ZKSCAN2: variants seen among roughly 807,000 people sequenced by gnomAD.
The protein encoded by ZKSCAN2 is zinc finger protein with KRAB and SCAN domains 2.
In ZKSCAN2, 38 loss-of-function variants were observed where a neutral mutation model predicts 90.5. That is an observed-to-expected ratio of 0.42 (90% confidence interval 0.32 to 0.55). The LOEUF (loss-of-function observed/expected upper bound fraction) is 0.55. Ranked by LOEUF, ZKSCAN2 falls within the 20% of genes least tolerant of loss-of-function variation. ZKSCAN2 has a pLI of 0.11. For missense variants in ZKSCAN2, 1,167 were observed against 1,202.6 expected (o/e 0.97, Z 0.44); for synonymous variants, 429 against 421.6 (o/e 1.02, Z -0.22).
rs1377369029 is a variant in ZKSCAN2, at chr16:25,257,442, G to A, written c.-315C>T. On this transcript the variant is annotated 5_prime_UTR_variant, in exon 1 of 7. Coordinates refer to ENST00000328086, the MANE Select transcript of ZKSCAN2 (RefSeq NM_001012981.5). ...GAGGCTGGACGACTGGGAGAAAAAT[G>A]AAGCAGGCTGAGGAAAGGCTGGGCG... is the stretch of plus-strand genomic sequence containing the variant. 3 of 1,065,568 alleles carry A rather than the reference G, an allele frequency of 2.8e-6. No individual in the cohort carries two copies. Among genetic ancestry groups the A allele is most frequent in the East Asian group, 6.9e-5 (1 of 14,572 alleles). The allele number at this position is 1,065,568 out of a possible 1,614,324, so 66.0% of individuals were successfully genotyped here.
At position 25,240,695 on chromosome 16, in the gene ZKSCAN2, T is replaced by C; in HGVS notation, c.2025A>G (p.Ile675Met). Reference protein sequence around the residue: ...GSSIKEDPTQIVYKDMEQHRA... With the variant: ...GSSIKEDPTQMVYKDMEQHRA... ...TATGCTGTTCCATGTCCTTATATACTATCTGTGTTGGATCCTCCTTGATGC... is the reference window on the plus strand; with the variant it reads ...TATGCTGTTCCATGTCCTTATATACCATCTGTGTTGGATCCTCCTTGATGC... Residue 675 changes from isoleucine (I) to methionine (M), a missense_variant, in exon 7 of 7, where the codon ATA (isoleucine) becomes ATG (methionine). Physicochemically the swap from Ile to Met is conservative, Grantham distance 10. Coordinates refer to ENST00000328086, the MANE Select transcript of ZKSCAN2 (RefSeq NM_001012981.5). 1 of 1,613,672 alleles carries C rather than the reference T, an allele frequency of 6.2e-7. No individual in the cohort carries two copies. Among genetic ancestry groups the C allele is most frequent in the Non-Finnish European group, 8.5e-7 (1 of 1,179,598 alleles).
Position 25,257,176 on chromosome 16 carries a change from A to G in ZKSCAN2, c.-49T>C. 1 of 1,532,316 alleles carries G rather than the reference A, an allele frequency of 6.5e-7. No individual in the cohort carries two copies. Among genetic ancestry groups the G allele is most frequent in the Non-Finnish European group, 8.7e-7 (1 of 1,143,618 alleles). 94.9% of individuals were successfully genotyped at this position (1,532,316 alleles called of 1,614,324 possible). On this transcript the variant is annotated 5_prime_UTR_variant, in exon 1 of 7. Transcript: ENST00000328086. ...ACGTCTAGCTCAAGGTGGGGACCCA[A>G]AGAAGACTCCAAGCGCTCCCTGCTT...
At position 25,257,338 on chromosome 16, in the gene ZKSCAN2, G is replaced by C; in HGVS notation, c.-211C>G. ...GTATACTCTAAGATGCAAAAGCCTG[G>C]CCTCTTCTCCAAACAAGATGTGACC... On this transcript the variant is annotated 5_prime_UTR_variant, in exon 1 of 7. Coordinates refer to ENST00000328086, the MANE Select transcript of ZKSCAN2 (RefSeq NM_001012981.5). The C allele has an allele frequency of 1.5e-6, 2 of 1,317,566 alleles. No homozygotes were observed. The highest frequency in any genetic ancestry group is 9.6e-7 in the Non-Finnish European group (1 of 1,036,954). 81.6% of individuals were successfully genotyped at this position (1,317,566 alleles called of 1,614,324 possible). A position where few individuals can be genotyped will look rare whatever the true frequency, so the allele number is the denominator to read the frequency against.
rs758398018 is a variant in ZKSCAN2 at position 25,256,719 on chromosome 16, CCT to C, written c.399+8_399+9del. ...TTCTAAGTACAAAAATTTGGAAAAT[CCT>C]CTCTCACCTGCTGTCTTAGTCTTCC... On this transcript the variant is annotated splice_region_variant and intron_variant, in intron 1 of 6. Transcript: ENST00000328086. 20 of 1,591,738 alleles carry C rather than the reference CCT, an allele frequency of 1.3e-5. No homozygotes were observed. The African/African-American group carries it at 2.3e-4, about 18-fold the overall frequency.
intron 4 of ZKSCAN2, among the ~76,000 whole-genome samples, chr16:25,249,604 G>C (rs1962988569): frequency 6.6e-6 from 1 of 151,948 alleles, no homozygotes; most frequent in South Asian, 2.1e-4. Context: ...TTGTTAATTA[G>C]CTGATTTAAT....
intron 5 of ZKSCAN2, among the ~76,000 whole-genome samples, chr16:25,245,771 GA>G (rs71385530): frequency 0.12 from 13,987 of 120,032 alleles, 712 homozygotes; most frequent in Middle Eastern, 0.17. Flanking sequence ...CACCGTCTCG[GA>G]AAAAAAAAAA....
At chr16:25,255,743 G>C (rs564129186) in intron 1 of ZKSCAN2, among the ~76,000 whole-genome samples, 1 of 152,060 alleles carries the variant, frequency 6.6e-6, no homozygotes, top group East Asian at 1.9e-4. Context: ...CAACACAACC[G>C]GCTAATTTTA....
intron 5 of ZKSCAN2, among the ~76,000 whole-genome samples, chr16:25,244,799 T>C (rs1218979802): frequency 6.6e-6 from 1 of 152,244 alleles, no homozygotes; most frequent in Non-Finnish European, 1.5e-5. Flanking sequence ...AGAGTAGTTT[T>C]TGGATGTCAT....
chr16:25,247,285 T>C lies in ZKSCAN2; in HGVS notation c.911A>G (p.Asn304Ser), dbSNP rs376803326. 71 of 1,614,218 alleles carry C rather than the reference T, an allele frequency of 4.4e-5. No individual in the cohort carries two copies. The highest frequency in any genetic ancestry group is 1.6e-4 in the Middle Eastern group (1 of 6,062). Reference sequence around the variant, plus strand: ...ATGAACTGACTTTTCCTTGACGTAGTTGCTTCGTAGGATACTTCTCTTGTT... The same window carrying C: ...ATGAACTGACTTTTCCTTGACGTAGCTGCTTCGTAGGATACTTCTCTTGTT... ...SSNKRSILRSNYVKEKSVHAI... is the reference protein window; with the variant it reads ...SSNKRSILRSSYVKEKSVHAI... Residue 304 changes from asparagine to serine, a missense_variant, in exon 5 of 7, where the codon AAC (asparagine) becomes AGC (serine). Coordinates refer to ENST00000328086, the MANE Select transcript of ZKSCAN2 (RefSeq NM_001012981.5).
At position 25,257,385 on chromosome 16, in the gene ZKSCAN2, T is replaced by C. The variant is rs1016890757; in HGVS notation, c.-258A>G. 8.2e-7 allele frequency: 1 copy of C among 1,213,934 alleles called. No individual in the cohort carries two copies. The highest frequency in any genetic ancestry group is 1.6e-5 in the African/African-American group (1 of 64,086). 75.2% of individuals were successfully genotyped at this position (1,213,934 alleles called of 1,614,324 possible). A position where few individuals can be genotyped will look rare whatever the true frequency, so the allele number is the denominator to read the frequency against. Reference sequence around the variant, plus strand: ...GACCGCGCAATGTGGTTTTCCAGAGTGCATCCCTCTTAGTGCAAAGTCGGA... The same window carrying C: ...GACCGCGCAATGTGGTTTTCCAGAGCGCATCCCTCTTAGTGCAAAGTCGGA... On this transcript the variant is annotated 5_prime_UTR_variant, in exon 1 of 7. Transcript: ENST00000328086.
In ZKSCAN2 at chr16:25,243,685, A is replaced by T; in HGVS notation, c.1981+100T>A. On this transcript the variant is annotated intron_variant, in intron 6 of 6. Coordinates refer to ENST00000328086, the MANE Select transcript of ZKSCAN2 (RefSeq NM_001012981.5). ...GCACAGGCACTCAAATATTTCTTGA[A>T]TGAAGGAATATTCATGAGCTATGTG... is the stretch of plus-strand genomic sequence containing the variant. 3 of 1,370,258 alleles carry T rather than the reference A, an allele frequency of 2.2e-6. No individual in the cohort carries two copies. The Admixed American group carries it at 6.8e-5, about 31-fold the overall frequency. The allele number at this position is 1,370,258 out of a possible 1,614,324, so 84.9% of individuals were successfully genotyped here. A position where few individuals can be genotyped will look rare whatever the true frequency, so the allele number is the denominator to read the frequency against.
intron 3 of ZKSCAN2, among the ~76,000 whole-genome samples, chr16:25,252,530 C>CTT (rs1366177203): frequency 6.6e-6 from 1 of 152,066 alleles, no homozygotes; most frequent in Non-Finnish European, 1.5e-5. Context: ...GGGAAATACA[C>CTT]TTTTATACTC....
At chr16:25,245,012 T>C (rs1597641704) in intron 5 of ZKSCAN2, among the ~76,000 whole-genome samples, 1 of 152,222 alleles carries the variant, frequency 6.6e-6, no homozygotes, top group South Asian at 2.1e-4. Flanking sequence ...TTCCCATATT[T>C]GAGACCACCC....
rs199536276 is a variant in ZKSCAN2 at position 25,240,322 on chromosome 16, C to T, written c.2398G>A (p.Glu800Lys). The change falls in exon 7 of 7, where the codon GAA (glutamate) becomes AAA (lysine). Residue 800 changes from glutamate to lysine, a missense_variant. Physicochemically the swap from Glu to Lys is moderately conservative, Grantham distance 56 (BLOSUM62 1). Coordinates refer to ENST00000328086, the MANE Select transcript of ZKSCAN2 (RefSeq NM_001012981.5). ...CAGTCAAGACATTTAAAAGGTTTTT[C>T]GCCTGTGTGGATTCTTTGGTGTCTG... ...LIRHQRIHTG[E>K]KPFKCLDCGK... The T allele has an allele frequency of 2.0e-4, 322 of 1,614,020 alleles. No individual in the cohort carries two copies. The highest frequency in any genetic ancestry group is 2.4e-4 in the Non-Finnish European group (287 of 1,180,038).
Position 25,257,592 on chromosome 16 carries a change from G to T in ZKSCAN2, c.-465C>A. 3 of 850,962 alleles carry T rather than the reference G, an allele frequency of 3.5e-6. No individual in the cohort carries two copies. The highest frequency in any genetic ancestry group is 4.2e-6 in the Non-Finnish European group (3 of 707,268). The allele number at this position is 850,962 out of a possible 1,614,324, so 52.7% of individuals were successfully genotyped here. ...GCCCGGCGCCAGGTTCCGGGCTCGG[G>T]TCACCGCAGCACGTCCAGGCCGCCG... On this transcript the variant is annotated 5_prime_UTR_variant, in exon 1 of 7. Coordinates refer to ENST00000328086, the MANE Select transcript of ZKSCAN2 (RefSeq NM_001012981.5).
Position 25,239,853 on chromosome 16 carries a change from T to C in ZKSCAN2, c.2867A>G (p.His956Arg). Residue 956 changes from histidine to arginine, a missense_variant, in exon 7 of 7, where the codon CAT becomes CGT. Physicochemically the swap from His to Arg is conservative, Grantham distance 29. Coordinates refer to ENST00000328086, the MANE Select transcript of ZKSCAN2 (RefSeq NM_001012981.5). ...CCTAAATTCATCAGTCTTTCCCTTA[T>C]GTGGGTTCTCAGGGCAATACAGAGA... ...PPSLYCPENP[H>R]KGKTDEFRKT... 1.9e-6 allele frequency: 3 copies of C among 1,604,942 alleles called. No individual in the cohort carries two copies. The highest frequency in any genetic ancestry group is 1.1e-5 in the South Asian group (1 of 90,060).
At chr16:25,252,879 C>T in intron 3 of ZKSCAN2, 67 bp downstream of exon 3, 1 of 1,334,530 alleles carries the variant, frequency 7.5e-7, no homozygotes, top group Non-Finnish European at 1.1e-6. Flanking sequence ...GATTGCGCCA[C>T]TGTACTCCAC....
At position 25,257,223 on chromosome 16, in the gene ZKSCAN2, A is replaced by T; in HGVS notation, c.-96T>A. 1.3e-4 allele frequency: 192 copies of T among 1,446,136 alleles called. No individual in the cohort carries two copies. The highest frequency in any genetic ancestry group is 4.0e-4 in the East Asian group (16 of 39,942). 89.6% of individuals were successfully genotyped at this position (1,446,136 alleles called of 1,614,324 possible). ...GCTTAATGTTCCTGGGAGTGTGATA[A>T]GGTACGGAGGTAAAAACGGCCAGGT... On this transcript the variant is annotated 5_prime_UTR_variant, in exon 1 of 7. Coordinates refer to ENST00000328086, the MANE Select transcript of ZKSCAN2 (RefSeq NM_001012981.5).
chr16:25,240,804 G>T, intron 6 of ZKSCAN2, 66 bp from the exon 7 acceptor site: 1 of 1,403,944 alleles, frequency 7.1e-7, no homozygotes, highest in South Asian at 1.3e-5. Context: ...AACCTGGCTT[G>T]CAAGGCTTGA....
Sources: allele counts gnomAD v4.1 joint callset (sites outside exome capture counted in the v4.1 genomes callset), GRCh38; gene constraint gnomAD v4.1.1; transcripts MANE v1.5; gene names NCBI Gene and HGNC (gene_info 2026-07-23, HGNC 2026-07-21).